Variants in TENM4 observed in about 807,000 individuals in gnomAD.
TENM4 encodes teneurin-4.
A neutral mutation model predicts 243.3 loss-of-function variants in TENM4; 82 were observed. The ratio of observed to expected loss-of-function variants is 0.34; its 90% CI spans 0.28 to 0.40. The LOEUF (loss-of-function observed/expected upper bound fraction) is 0.40. Ranked by LOEUF, TENM4 falls within the 10% of genes least tolerant of loss-of-function variation. The probability of loss-of-function intolerance (pLI) is 1.00; values close to 1 mark genes in which losing one functional copy is unlikely to be tolerated. For missense variants in TENM4, 3,138 were observed against 3,673.3 expected (o/e 0.85, Z 3.77); for synonymous variants, 1,412 against 1,456.3 (o/e 0.97, Z 0.69).
intron 4 of TENM4, chr11:79,096,104 T>G (rs538212941): frequency 2.0e-5 from 3 of 152,350 alleles, no homozygotes; most frequent in Admixed American, 2.0e-4. Flanking sequence ...TCTTAACAGC[T>G]GTGTGACTTT....
chr11:79,071,494 T>G (rs904522989), intron 4 of TENM4, among the ~76,000 whole-genome samples: 1 of 152,072 alleles, frequency 6.6e-6, no homozygotes, highest in Non-Finnish European at 1.5e-5. Context: ...GGTGGGGGTG[T>G]CTTGTGAATT....
chr11:79,076,138 T>G (rs1354690479), intron 4 of TENM4, among the ~76,000 whole-genome samples: 1 of 152,216 alleles, frequency 6.6e-6, no homozygotes, highest in Non-Finnish European at 1.5e-5. Context: ...CACAGTGCTT[T>G]TCACATACCC....
At chr11:78,854,420 C>A in intron 11 of TENM4, 106 bp from the exon 12 acceptor site, 1 of 1,063,082 alleles carries the variant, frequency 9.4e-7, no homozygotes, top group Non-Finnish European at 1.3e-6. Context: ...CAAATAGAGG[C>A]AAAAAGGGCC....
intron 4 of TENM4, among the ~76,000 whole-genome samples, chr11:79,089,784 TAC>T (rs1184305008): frequency 6.6e-6 from 1 of 152,200 alleles, no homozygotes. Context: ...CAATAACAAG[TAC>T]ACACAGTGGT....
At position 78,669,982 on chromosome 11, in the gene TENM4, C is replaced by T. The variant is rs779128065; in HGVS notation, c.6363G>A (p.Gly2121=). 11 of 1,613,748 alleles carry T rather than the reference C, an allele frequency of 6.8e-6. No individual in the cohort carries two copies. Among genetic ancestry groups the T allele is most frequent in the South Asian group, 2.2e-5 (2 of 91,044 alleles). ...TGTCATAGTAAATGACACCAAACTT[C>T]CCAAACTGCTCTGTCTTGCCTGACA... ...DDVSGKTEQF[G]KFGVIYYDIN... Residue 2121 remains glycine, a synonymous_variant, in exon 32 of 34, where the codon GGG becomes GGA. Coordinates refer to ENST00000278550, the MANE Select transcript of TENM4 (RefSeq NM_001098816.3). This position sits in a 1 kb window ranked among gnomAD's most constrained non-coding sequence, Gnocchi z 6.4.
At chr11:78,740,981 T>C (rs1403445365) in intron 19 of TENM4, among the ~76,000 whole-genome samples, 7 of 152,264 alleles carry the variant, frequency 4.6e-5, no homozygotes, top group Non-Finnish European at 7.3e-5. Context: ...GTTGACTCCC[T>C]GGACGCCGAT....
At chr11:78,714,494 C>T (rs888067847) in intron 25 of TENM4, among the ~76,000 whole-genome samples, 6 of 142,832 alleles carry the variant, frequency 4.2e-5, no homozygotes, top group African/African-American at 1.7e-4. Context: ...TAATCCTTCT[C>T]GAACCAAGGG....
intron 6 of TENM4, among the ~76,000 whole-genome samples, chr11:78,991,281 T>G (rs951978134): frequency 5.0e-5 from 7 of 140,618 alleles, no homozygotes; most frequent in Middle Eastern, 3.5e-3. Context: ...AGTCCCTTAT[T>G]TGAACTTCAC....
At chr11:79,047,165 G>A (rs977700405) in intron 6 of TENM4, among the ~76,000 whole-genome samples, 2 of 152,164 alleles carry the variant, frequency 1.3e-5, no homozygotes, top group African/African-American at 4.8e-5. Flanking sequence ...CTAATGTAAA[G>A]TGGACCACTG....
chr11:78,875,859 G>T (rs966351603), intron 9 of TENM4, among the ~76,000 whole-genome samples: 8 of 152,324 alleles, frequency 5.3e-5, no homozygotes, highest in African/African-American at 1.9e-4. Context: ...CTCTAGATTT[G>T]TGTGTGCTGC....
chr11:79,064,202 C>A (rs1860178089), intron 6 of TENM4, among the ~76,000 whole-genome samples: 1 of 152,282 alleles, frequency 6.6e-6, no homozygotes, highest in Non-Finnish European at 1.5e-5. Flanking sequence ...AAACTTACTC[C>A]TCCTAACTGA....
At position 78,805,345 on chromosome 11, in the gene TENM4, T is replaced by G; in HGVS notation, c.2126A>C (p.Asp709Ala). ...QCSGHGTFLP[D>A]TGLCSCDPSW... is the part of the protein sequence containing the mutation. ...TGGGTCACAGCTGCAAAGCCCGGTG[T>G]CCGGGAGGAAGGTTCCGTGGCCTGA... is the stretch of plus-strand genomic sequence containing the variant. The change falls in exon 15 of 34, where the codon GAC becomes GCC. Residue 709 changes from aspartate (D) to alanine (A), a missense_variant. By Grantham distance (126) the Asp-to-Ala change is moderately radical. This residue lies in a region of TENM4 where 2,467 missense variants were observed against 3,059.1 expected (regional missense o/e 0.81). Coordinates refer to ENST00000278550, the MANE Select transcript of TENM4 (RefSeq NM_001098816.3). 9.0e-7 allele frequency: 1 copy of G among 1,106,630 alleles called. No homozygotes were observed. The highest frequency in any genetic ancestry group is 1.1e-6 in the Non-Finnish European group (1 of 888,560). The allele number at this position is 1,106,630 out of a possible 1,614,324, so 68.6% of individuals were successfully genotyped here.
At chr11:78,835,829 T>C (rs942639094) in intron 12 of TENM4, among the ~76,000 whole-genome samples, 1 of 152,348 alleles carries the variant, frequency 6.6e-6, no homozygotes, top group Admixed American at 6.5e-5. Context: ...CACAGTCACA[T>C]TACTGATCAA....
At chr11:78,857,907 C>T (rs1459501181) in intron 10 of TENM4, among the ~76,000 whole-genome samples, 2 of 152,254 alleles carry the variant, frequency 1.3e-5, no homozygotes, top group African/African-American at 4.8e-5. Context: ...TTTAATTTTG[C>T]TAGGGAGGCA....
intron 6 of TENM4, among the ~76,000 whole-genome samples, chr11:78,978,350 G>GAAAAT (rs1411490615): frequency 1.1e-5 from 1 of 91,350 alleles, no homozygotes; most frequent in Non-Finnish European, 2.3e-5. Context: ...CTTAAAGTAA[G>GAAAAT]AAAAGAAAAG....
At chr11:79,421,082 C>A (rs1202167854) in intron 1 of TENM4, among the ~76,000 whole-genome samples, 1 of 152,214 alleles carries the variant, frequency 6.6e-6, no homozygotes, top group African/African-American at 2.4e-5. Flanking sequence ...ACGTGACTCT[C>A]CCTACTCTCC....
At chr11:78,909,057 A>G (rs762218345) in intron 6 of TENM4, among the ~76,000 whole-genome samples, 2 of 152,230 alleles carry the variant, frequency 1.3e-5, no homozygotes, top group Non-Finnish European at 2.9e-5. Context: ...TCATTCATCT[A>G]TAAAATGTAT....
chr11:78,669,041 A>G lies in TENM4; in HGVS notation c.7304T>C (p.Leu2435Pro). ...AGRWTSPDHE[L>P]WKHLSSSNVM... ...GTTGCTGCTACTAAGGTGCTTCCAC[A>G]GCTCGTGGTCTGGGCTAGTCCAGCG... The change falls in exon 32 of 34, where the codon CTG (leucine) becomes CCG (proline). Residue 2435 changes from leucine to proline, a missense_variant. Coordinates refer to ENST00000278550, the MANE Select transcript of TENM4 (RefSeq NM_001098816.3). This position sits in a 1 kb window ranked among gnomAD's most constrained non-coding sequence, Gnocchi z 6.4. The G allele has an allele frequency of 6.2e-7, 1 of 1,613,998 alleles. No individual in the cohort carries two copies. Among genetic ancestry groups the G allele is most frequent in the Non-Finnish European group, 8.5e-7 (1 of 1,179,892 alleles).
At chr11:78,912,320 TCTC>T (rs1466127013) in intron 6 of TENM4, among the ~76,000 whole-genome samples, 3 of 152,176 alleles carry the variant, frequency 2.0e-5, no homozygotes, top group Non-Finnish European at 2.9e-5. Flanking sequence ...AGTGGTGCGA[TCTC>T]AGCCCACTGC....
Sources: gnomAD v4.1 joint callset for allele counts (sites outside exome capture counted in the v4.1 genomes callset) on GRCh38, gnomAD v4.1.1 for gene constraint, gnomAD v4.1.1 regional missense constraint, Gnocchi (gnomAD v3.1) non-coding constraint, MANE v1.5 for transcripts, NCBI Gene and HGNC (gene_info 2026-07-23, HGNC 2026-07-21) for gene names.